The following ACBD7 variants were observed in gnomAD, a reference collection of about 807,000 sequenced individuals.
The protein encoded by ACBD7 is acyl-CoA binding domain containing 7.
A neutral mutation model predicts 13.7 loss-of-function variants in ACBD7; 11 were observed. The observed-to-expected ratio is 0.80, with a 90% CI of 0.50 to 1.33. The LOEUF (loss-of-function observed/expected upper bound fraction) is 1.33, where lower values mean the gene tolerates loss of function less well. ACBD7 is among the 40% of genes most tolerant of loss of function. ACBD7 has a pLI of 0.00. For synonymous variants in ACBD7, 43 were observed against 37.7 expected (o/e 1.14, Z -0.51); for missense variants, 111 against 103.0 (o/e 1.08, Z -0.33).
chr10:15,076,938 CA>C lies in ACBD7; in HGVS notation c.*1591del. On this transcript the variant is annotated 3_prime_UTR_variant, in exon 4 of 4. Transcript: ENST00000356189. ...ACCAGGGCTAGACTTTCTAAAAAGT[CA>C]AAAAACAACAGATGTGGAGAAAAGG... 3.0e-6 allele frequency: 3 copies of C among 984,822 alleles called. No individual in the cohort carries two copies. The highest frequency in any genetic ancestry group is 3.6e-6 in the Non-Finnish European group (3 of 829,534). The allele number at this position is 984,822 out of a possible 1,614,324, so 61.0% of individuals were successfully genotyped here.
At position 15,078,544 on chromosome 10, in the gene ACBD7, T is replaced by G. The variant is rs1030634759; in HGVS notation, c.253A>C (p.Lys85Gln). The G allele has an allele frequency of 4.3e-6, 7 of 1,614,190 alleles. No homozygotes were observed. The highest frequency in any genetic ancestry group is 5.9e-6 in the Non-Finnish European group (7 of 1,180,022). ...YISKAKELIE[K>Q]YGI ...TATGCTGTATTCTAAATTCCGTATT[T>G]TTCTATCAGCTCCTTTGCTTTAGAA... Residue 85 changes from lysine (K) to glutamine (Q), a missense_variant, in exon 4 of 4, where the codon AAA (lysine) becomes CAA (glutamine). By Grantham distance (53) the Lys-to-Gln change is moderately conservative (BLOSUM62 1). Transcript: ENST00000356189.
Position 15,076,709 on chromosome 10 carries a change from G to T in ACBD7, c.*1821C>A. The T allele has an allele frequency of 3.6e-6, 3 of 838,130 alleles. No homozygotes were observed. Among genetic ancestry groups the T allele is most frequent in the East Asian group, 1.2e-4 (1 of 8,062 alleles). The allele number at this position is 838,130 out of a possible 1,614,324, so 51.9% of individuals were successfully genotyped here. A position where few individuals can be genotyped will look rare whatever the true frequency, so the allele number is the denominator to read the frequency against. ...AGTAGAGATGGGGTTTTGCAATGTTGGTCAGGCTGGTCTCGAACTTCTGAC... is the reference window on the plus strand; with the variant it reads ...AGTAGAGATGGGGTTTTGCAATGTTTGTCAGGCTGGTCTCGAACTTCTGAC... On this transcript the variant is annotated 3_prime_UTR_variant, in exon 4 of 4. Transcript: ENST00000356189.
At position 15,077,513 on chromosome 10, in the gene ACBD7, T is replaced by C. The variant is rs1844697145; in HGVS notation, c.*1017A>G. 6.6e-6 allele frequency: 1 copy of C among 152,034 alleles called. No homozygotes were observed. The highest frequency in any genetic ancestry group is 2.4e-5 in the African/African-American group (1 of 41,376). The allele number at this position is 152,034 out of a possible 1,614,324, so 9.4% of individuals were successfully genotyped here. ...GAGGGATGAGCAATTACCTTTTGGGTACAATGTACAGTATTTTGGTGATGG... is the reference window on the plus strand; with the variant it reads ...GAGGGATGAGCAATTACCTTTTGGGCACAATGTACAGTATTTTGGTGATGG... On this transcript the variant is annotated 3_prime_UTR_variant, in exon 4 of 4. Transcript: ENST00000356189.
At chr10:15,079,529 C>G (rs898303018) in intron 1 of ACBD7, among the ~76,000 whole-genome samples, 27 of 151,306 alleles carry the variant, frequency 1.8e-4, no homozygotes, top group African/African-American at 6.3e-4. Context: ...CCTGCCTCGG[C>G]CTCCCAAAGT....
At chr10:15,078,889 A>G (rs916648553) in intron 2 of ACBD7, 34 bp downstream of exon 2, 1 of 1,209,696 alleles carries the variant, frequency 8.3e-7, no homozygotes, top group Non-Finnish European at 1.1e-6. Context: ...TAATTGTAAC[A>G]TATGAATATA....
In ACBD7 at chr10:15,078,103, G is replaced by C. The variant is rs1844704919; in HGVS notation, c.*427C>G. The C allele has an allele frequency of 5.6e-6, 1 of 178,504 alleles. No homozygotes were observed. Among genetic ancestry groups the C allele is most frequent in the African/African-American group, 2.4e-5 (1 of 41,892 alleles). 11.1% of individuals were successfully genotyped at this position (178,504 alleles called of 1,614,324 possible). On this transcript the variant is annotated 3_prime_UTR_variant, in exon 4 of 4. Coordinates refer to ENST00000356189, the MANE Select transcript of ACBD7 (RefSeq NM_001039844.3). ...ATGTTATCCCTCCCCTAACCCCCTA[G>C]TCCCCGACAGGCCCCAGTGTGTGAT... is the stretch of plus-strand genomic sequence containing the variant.
At position 15,078,500 on chromosome 10, in the gene ACBD7, CA is replaced by C. The variant is rs755267993; in HGVS notation, c.*29del. On this transcript the variant is annotated 3_prime_UTR_variant, in exon 4 of 4. Coordinates refer to ENST00000356189, the MANE Select transcript of ACBD7 (RefSeq NM_001039844.3). ...GGTCATGATAGCATTTGGAAGTCTT[CA>C]AAAGGAAAAATTCCTCATATGCTGT... 5 of 1,613,424 alleles carry C rather than the reference CA, an allele frequency of 3.1e-6. No homozygotes were observed. The East Asian group carries it at 1.1e-4, about 36-fold the overall frequency.
intron 1 of ACBD7, among the ~76,000 whole-genome samples, chr10:15,087,646 C>T (rs1485083255): frequency 6.6e-6 from 1 of 152,078 alleles, no homozygotes; most frequent in African/African-American, 2.4e-5. Context: ...GGAGTGGCGG[C>T]GCACGCCTAT....
chr10:15,078,207 G>C lies in ACBD7; in HGVS notation c.*323C>G. On this transcript the variant is annotated 3_prime_UTR_variant, in exon 4 of 4. Coordinates refer to ENST00000356189, the MANE Select transcript of ACBD7 (RefSeq NM_001039844.3). Reference sequence around the variant, plus strand: ...AGAACATGCTTGGTTTTCTGATCTTGTGATAGTTTGCTGAGAATGATGGTT... The same window carrying C: ...AGAACATGCTTGGTTTTCTGATCTTCTGATAGTTTGCTGAGAATGATGGTT... The C allele has an allele frequency of 2.5e-6, 1 of 407,444 alleles. No individual in the cohort carries two copies. The highest frequency in any genetic ancestry group is 3.6e-6 in the Non-Finnish European group (1 of 278,038). 25.2% of individuals were successfully genotyped at this position (407,444 alleles called of 1,614,324 possible).
intron 1 of ACBD7, among the ~76,000 whole-genome samples, chr10:15,085,942 C>CAGTGAG (rs1164889560): frequency 6.6e-5 from 10 of 152,256 alleles, no homozygotes; most frequent in Middle Eastern, 3.4e-3. Flanking sequence ...ATATGATCCC[C>CAGTGAG]GCACATGCCA....
chr10:15,088,632 G>A (rs12412370), intron 1 of ACBD7, 85 bp downstream of exon 1: 1 of 1,535,544 alleles, frequency 6.5e-7, no homozygotes, highest in African/African-American at 1.4e-5. Flanking sequence ...ACCGCTCCCA[G>A]GGGCGCCAAG....
rs537946998 is a variant in ACBD7 at position 15,075,570 on chromosome 10, A to T, written c.*2960T>A. 6.2e-4 allele frequency among the ~76,000 whole-genome samples: 95 copies of T among 152,284 alleles called. No individual in the cohort carries two copies. Among genetic ancestry groups the T allele is most frequent in the African/African-American group, 2.1e-3 (88 of 41,556 alleles). On this transcript the variant is annotated 3_prime_UTR_variant, in exon 4 of 4. Coordinates refer to ENST00000356189, the MANE Select transcript of ACBD7 (RefSeq NM_001039844.3). ...ATTGGTGTTGCTACAATCAAGACAGAACATTCCATCACTGCAGGATCATCC... is the reference window on the plus strand; with the variant it reads ...ATTGGTGTTGCTACAATCAAGACAGTACATTCCATCACTGCAGGATCATCC...
chr10:15,086,400 A>G (rs1844808884), intron 1 of ACBD7, among the ~76,000 whole-genome samples: 1 of 152,198 alleles, frequency 6.6e-6, no homozygotes, highest in Non-Finnish European at 1.5e-5. Context: ...ACTTCTTAGC[A>G]TACTGCTTTT....
At chr10:15,083,992 G>C (rs894806740) in intron 1 of ACBD7, among the ~76,000 whole-genome samples, 13 of 152,192 alleles carry the variant, frequency 8.5e-5, no homozygotes, top group Non-Finnish European at 1.8e-4. Context: ...CAGGGGACTT[G>C]CTGCAAATAA....
rs1844707368 is a variant in ACBD7, at chr10:15,078,290, T to C, written c.*240A>G. On this transcript the variant is annotated 3_prime_UTR_variant, in exon 4 of 4. Coordinates refer to ENST00000356189, the MANE Select transcript of ACBD7 (RefSeq NM_001039844.3). ...GAACTCATCCCTTTTTATGGCTCCA[T>C]AGTATTCCATGGTGTATATGTGCCA... 5 of 1,270,356 alleles carry C rather than the reference T, an allele frequency of 3.9e-6. No homozygotes were observed. The highest frequency in any genetic ancestry group is 3.3e-5 in the Admixed American group (1 of 30,494). The allele number at this position is 1,270,356 out of a possible 1,614,324, so 78.7% of individuals were successfully genotyped here.
At chr10:15,082,148 T>C (rs1267638581) in intron 1 of ACBD7, among the ~76,000 whole-genome samples, 2 of 151,968 alleles carry the variant, frequency 1.3e-5, no homozygotes, top group Admixed American at 6.6e-5. Context: ...TAGCTGGGCA[T>C]AGTGGCACAT....
At chr10:15,079,971 A>G (rs1392146246) in intron 1 of ACBD7, among the ~76,000 whole-genome samples, 1 of 150,718 alleles carries the variant, frequency 6.6e-6, no homozygotes, top group Non-Finnish European at 1.5e-5. Context: ...CCTCAGTCCA[A>G]CTTTACTACA....
intron 1 of ACBD7, among the ~76,000 whole-genome samples, chr10:15,079,652 C>T (rs968205569): frequency 2.0e-5 from 3 of 151,618 alleles, no homozygotes; most frequent in Non-Finnish European, 4.4e-5. Context: ...GATCTCGGAT[C>T]ACTGCAACCT....
intron 1 of ACBD7, among the ~76,000 whole-genome samples, chr10:15,080,558 C>G (rs144473042): frequency 1.3e-5 from 2 of 151,730 alleles, no homozygotes; most frequent in Non-Finnish European, 2.9e-5. Flanking sequence ...CTAGCCTGGG[C>G]GACAAAGTGA....
Sources: gnomAD v4.1 joint callset for allele counts (sites outside exome capture counted in the v4.1 genomes callset) on GRCh38, gnomAD v4.1.1 for gene constraint, MANE v1.5 for transcripts, NCBI Gene and HGNC (gene_info 2026-07-23, HGNC 2026-07-21) for gene names.